The following B4GALT5 variants were observed in gnomAD, a reference collection of about 807,000 sequenced individuals.
B4GALT5 encodes the protein UDP-Gal:beta-GlcNAc beta-1,4-galactosyltransferase 5.
B4GALT5 carries 11 observed loss-of-function variants against 45.0 expected under a neutral mutation model. The ratio of observed to expected loss-of-function variants is 0.24; its 90% CI spans 0.15 to 0.40. The LOEUF is 0.40. Ranked by LOEUF, B4GALT5 falls within the 10% of genes least tolerant of loss-of-function variation. The pLI, the probability that B4GALT5 is intolerant of heterozygous loss-of-function variation, is 1.00. For missense variants in B4GALT5, 337 were observed against 500.2 expected (o/e 0.67, Z 3.11); for synonymous variants, 185 against 182.9 (o/e 1.01, Z -0.09).
chr20:49,658,407 C>A (rs2085651916), intron 1 of B4GALT5, among the ~76,000 whole-genome samples: 1 of 152,170 alleles, frequency 6.6e-6, no homozygotes, highest in Admixed American at 6.5e-5. Context: ...TGTTTTTAAT[C>A]ATTTGGGCTG....
intron 2 of B4GALT5, among the ~76,000 whole-genome samples, chr20:49,649,133 CTG>C (rs2123007443): frequency 6.6e-6 from 1 of 152,250 alleles, no homozygotes; most frequent in East Asian, 1.9e-4. Context: ...TGCAAGTACT[CTG>C]GGGCAAAATT....
intron 1 of B4GALT5, among the ~76,000 whole-genome samples, chr20:49,691,562 A>G (rs985549143): frequency 6.6e-6 from 1 of 152,096 alleles, no homozygotes; most frequent in African/African-American, 2.4e-5. Context: ...CTTCTGCAGT[A>G]TATGGTAGAG....
In B4GALT5 at chr20:49,641,531, T is replaced by G. The variant is rs560135733; in HGVS notation, c.607-866A>C. Among the ~76,000 whole-genome samples, 34 of 152,318 alleles carry G rather than the reference T, an allele frequency of 2.2e-4. 1 individual carries two copies. The South Asian group carries it at 7.0e-3, about 32-fold the overall frequency. ...TGTTACAGCTACATTGACTCCCCCT[T>G]GCCACTATCAAAATACCCAACTTAG... is the stretch of plus-strand genomic sequence containing the variant. On this transcript the variant is annotated intron_variant, in intron 5 of 8. Coordinates refer to ENST00000371711, the MANE Select transcript of B4GALT5 (RefSeq NM_004776.4).
chr20:49,672,234 G>A (rs2085719046), intron 1 of B4GALT5, among the ~76,000 whole-genome samples: 1 of 152,110 alleles, frequency 6.6e-6, no homozygotes, highest in South Asian at 2.1e-4. Context: ...AGACTAATGG[G>A]TTATCTACTC....
rs534179666 is a variant in B4GALT5 at position 49,634,192 on chromosome 20, C to CACAAACAA, written c.*2112_*2119dup. 6.6e-6 allele frequency: 1 copy of CACAAACAA among 152,326 alleles called. No individual in the cohort carries two copies. The highest frequency in any genetic ancestry group is 1.5e-5 in the Non-Finnish European group (1 of 67,974). The allele number at this position is 152,326 out of a possible 1,614,324, so 9.4% of individuals were successfully genotyped here. A position where few individuals can be genotyped will look rare whatever the true frequency, so the allele number is the denominator to read the frequency against. On this transcript the variant is annotated 3_prime_UTR_variant, in exon 9 of 9. Transcript: ENST00000371711. ...ACTCTATTCTTCAAAAGAACAAAAA[C>CACAAACAA]ACAAACAAACAAACAAACAAAACAA...
Position 49,636,056 on chromosome 20 carries a change from C to T in B4GALT5, c.*256G>A. On this transcript the variant is annotated 3_prime_UTR_variant, in exon 9 of 9. Coordinates refer to ENST00000371711, the MANE Select transcript of B4GALT5 (RefSeq NM_004776.4). ...AGGAGATGGGGAGAGAGCAGCGGGA[C>T]AGACGTCTGTCTTGTGAAAACAGAA... is the stretch of plus-strand genomic sequence containing the variant. 1 of 476,306 alleles carries T rather than the reference C, an allele frequency of 2.1e-6. No homozygotes were observed. Among genetic ancestry groups the T allele is most frequent in the Non-Finnish European group, 3.8e-6 (1 of 260,894 alleles). 29.5% of individuals were successfully genotyped at this position (476,306 alleles called of 1,614,324 possible).
intron 1 of B4GALT5, among the ~76,000 whole-genome samples, chr20:49,702,216 T>C (rs1490237298): frequency 6.6e-6 from 1 of 151,894 alleles, no homozygotes. Context: ...CAGAGAATAA[T>C]AAAGAAAGAA....
intron 1 of B4GALT5, among the ~76,000 whole-genome samples, chr20:49,684,235 C>T (rs1255310172): frequency 1.3e-5 from 2 of 151,554 alleles, no homozygotes; most frequent in East Asian, 1.9e-4. Flanking sequence ...ATATGGTGAG[C>T]GCTAATGTGT....
intron 2 of B4GALT5, among the ~76,000 whole-genome samples, chr20:49,648,715 G>C (rs2085608990): frequency 6.6e-6 from 1 of 152,214 alleles, no homozygotes. Flanking sequence ...GATATGAAGA[G>C]TGTGATGGCA....
intron 1 of B4GALT5, among the ~76,000 whole-genome samples, chr20:49,679,607 C>T (rs1398355057): frequency 2.0e-5 from 3 of 150,370 alleles, no homozygotes; most frequent in South Asian, 4.2e-4. Flanking sequence ...ACCCAGGAGG[C>T]GGAGGTTGCA....
intron 3 of B4GALT5, among the ~76,000 whole-genome samples, chr20:49,646,312 A>G (rs6125699): frequency 0.016 from 2,443 of 152,294 alleles, 39 homozygotes; most frequent in East Asian, 0.083. Context: ...TCAGGCCTTC[A>G]CGTTCACATT....
chr20:49,640,407 A>G (rs1568714678), intron 6 of B4GALT5, 71 bp downstream of exon 6: 1 of 1,384,932 alleles, frequency 7.2e-7, no homozygotes, highest in Non-Finnish European at 9.6e-7. Flanking sequence ...GCAGCTAATT[A>G]GATTTCCTTT....
At chr20:49,693,646 T>A (rs997684837) in intron 1 of B4GALT5, among the ~76,000 whole-genome samples, 3 of 152,186 alleles carry the variant, frequency 2.0e-5, no homozygotes, top group Admixed American at 1.3e-4. Flanking sequence ...CTATTCATGG[T>A]TACATATCAT....
At chr20:49,683,385 A>ATTTTTT (rs66503719) in intron 1 of B4GALT5, among the ~76,000 whole-genome samples, 40 of 96,636 alleles carry the variant, frequency 4.1e-4, no homozygotes, top group African/African-American at 1.5e-3. Context: ...ACAGGTTTAA[A>ATTTTTT]TTTTTTTTTT....
intron 2 of B4GALT5, among the ~76,000 whole-genome samples, chr20:49,650,259 A>G (rs948249212): frequency 1.3e-5 from 2 of 152,082 alleles, no homozygotes; most frequent in Non-Finnish European, 2.9e-5. Flanking sequence ...AATACGCAAC[A>G]ACTCTATTGC....
intron 1 of B4GALT5, among the ~76,000 whole-genome samples, chr20:49,708,738 G>A (rs570040310): frequency 1.3e-5 from 2 of 152,056 alleles, no homozygotes. Context: ...ACGAGGTCAG[G>A]AGTTCAAGAC....
Position 49,636,032 on chromosome 20 carries a change from G to A in B4GALT5, c.*280C>T, listed in dbSNP as rs2085551946. 5 of 406,078 alleles carry A rather than the reference G, an allele frequency of 1.2e-5. No homozygotes were observed. Among genetic ancestry groups the A allele is most frequent in the Non-Finnish European group, 2.3e-5 (5 of 217,036 alleles). 25.2% of individuals were successfully genotyped at this position (406,078 alleles called of 1,614,324 possible). On this transcript the variant is annotated 3_prime_UTR_variant, in exon 9 of 9. Coordinates refer to ENST00000371711, the MANE Select transcript of B4GALT5 (RefSeq NM_004776.4). ...TGCGGCTAAGACAGGATGTGGGGTA[G>A]GAGATGGGGAGAGAGCAGCGGGACA...
Position 49,656,572 on chromosome 20 carries a change from G to A in B4GALT5, c.246C>T (p.Asp82=), listed in dbSNP as rs761984732. ...ACCTCTTTACTAAAAATATACCTGA[G>A]TCATTTACACTGCTGTTCCTCTTGG... ...AYAKRNSSVN[D]SDYPLDLNHS... The change falls in exon 2 of 9, where the codon GAC becomes GAT. Residue 82 remains aspartate (D), a synonymous_variant. Transcript: ENST00000371711. 6.2e-7 allele frequency: 1 copy of A among 1,614,020 alleles called. No homozygotes were observed. Among genetic ancestry groups the A allele is most frequent in the Non-Finnish European group, 8.5e-7 (1 of 1,179,984 alleles).
chr20:49,637,023 C>T (rs1196977635), intron 8 of B4GALT5, among the ~76,000 whole-genome samples: 1 of 152,092 alleles, frequency 6.6e-6, no homozygotes, highest in Non-Finnish European at 1.5e-5. Flanking sequence ...GAAAGGGCGC[C>T]ACTGCTCTGT....
Sources: gnomAD v4.1 joint callset for allele counts (sites outside exome capture counted in the v4.1 genomes callset) on GRCh38, gnomAD v4.1.1 for gene constraint, MANE v1.5 for transcripts, NCBI Gene and HGNC (gene_info 2026-07-23, HGNC 2026-07-21) for gene names.